The following SGCZ variants were observed in gnomAD, a reference collection of about 807,000 sequenced individuals.
SGCZ encodes the protein sarcoglycan zeta.
A neutral mutation model predicts 41.3 loss-of-function variants in SGCZ; 40 were observed. That is an observed-to-expected ratio of 0.97 (90% CI 0.75 to 1.26). The LOEUF (loss-of-function observed/expected upper bound fraction) is 1.26, where lower values mean the gene tolerates loss of function less well. Among genes scored for constraint, SGCZ ranks in the 50% most tolerant of loss-of-function variants. The pLI is 0.00. For synonymous variants in SGCZ, 206 were observed against 137.5 expected (o/e 1.50, Z -3.49); for missense variants, 552 against 369.8 (o/e 1.49, Z -4.04).
At chr8:14,753,343 A>T (rs1276828816) in intron 1 of SGCZ, among the ~76,000 whole-genome samples, 1 of 152,212 alleles carries the variant, frequency 6.6e-6, no homozygotes, top group Admixed American at 6.5e-5. Context: ...TAACATATTT[A>T]TCTAAGGATG....
intron 1 of SGCZ, among the ~76,000 whole-genome samples, chr8:14,650,829 T>C (rs931585013): frequency 1.3e-5 from 2 of 152,058 alleles, no homozygotes; most frequent in Non-Finnish European, 2.9e-5. Context: ...CAAATGTTTA[T>C]GTGGTAAAAT....
chr8:14,558,611 A>AGAGAGAGAGAGAGAGG (rs1465597797), intron 1 of SGCZ, among the ~76,000 whole-genome samples: 1 of 137,252 alleles, frequency 7.3e-6, no homozygotes, highest in Admixed American at 7.1e-5. Flanking sequence ...AGAGAGAGAG[A>AGAGAGAGAGAGAGAGG]GAATCTTCCA....
intron 1 of SGCZ, among the ~76,000 whole-genome samples, chr8:14,850,454 G>T (rs973430214): frequency 1.3e-5 from 2 of 152,130 alleles, no homozygotes; most frequent in East Asian, 1.9e-4. Context: ...TTGGCGAGAT[G>T]GTGGAGCACA....
At chr8:15,110,262 T>C (rs970542890) in intron 1 of SGCZ, among the ~76,000 whole-genome samples, 4 of 152,256 alleles carry the variant, frequency 2.6e-5, no homozygotes, top group African/African-American at 4.8e-5. Context: ...AACTCCACCA[T>C]TGCATCAAAA....
At chr8:15,018,577 G>A (rs1439720435) in intron 1 of SGCZ, among the ~76,000 whole-genome samples, 3 of 152,120 alleles carry the variant, frequency 2.0e-5, no homozygotes, top group Admixed American at 2.0e-4. Context: ...CCCAACTCAA[G>A]AACAGTTTGA....
At chr8:14,163,717 A>T (rs2116982549) in intron 5 of SGCZ, among the ~76,000 whole-genome samples, 1 of 152,282 alleles carries the variant, frequency 6.6e-6, no homozygotes, top group Non-Finnish European at 1.5e-5. Context: ...ACCCAAGAAC[A>T]GAGTTGATGT....
intron 1 of SGCZ, among the ~76,000 whole-genome samples, chr8:14,906,764 A>G (rs17573512): frequency 0.041 from 6,268 of 152,290 alleles, 181 homozygotes; most frequent in South Asian, 0.076. Flanking sequence ...CAACAATGAG[A>G]TGCTTACAGT....
intron 1 of SGCZ, among the ~76,000 whole-genome samples, chr8:14,962,904 A>G (rs1294216267): frequency 6.6e-6 from 1 of 152,192 alleles, no homozygotes; most frequent in Non-Finnish European, 1.5e-5. Flanking sequence ...AAAACAAAAA[A>G]TCCATATTAA....
chr8:14,625,854 G>C (rs762207572), intron 1 of SGCZ, among the ~76,000 whole-genome samples: 1 of 152,120 alleles, frequency 6.6e-6, no homozygotes, highest in Non-Finnish European at 1.5e-5. Context: ...GACATTAAAA[G>C]CAGCAGAATT....
intron 1 of SGCZ, among the ~76,000 whole-genome samples, chr8:14,594,413 T>C (rs1315738826): frequency 3.3e-5 from 5 of 151,948 alleles, no homozygotes; most frequent in African/African-American, 1.2e-4. Flanking sequence ...ATATAATATT[T>C]CTGTCACTTT....
At position 14,110,555 on chromosome 8, in the gene SGCZ, C is replaced by T. The variant is rs117597331; in HGVS notation, c.548-2320G>A. ...AAGAAATAAATATGTAATCATACCACGTAAAGGGCGAAATTTTAAACTAAA... is the reference window on the plus strand; with the variant it reads ...AAGAAATAAATATGTAATCATACCATGTAAAGGGCGAAATTTTAAACTAAA... On this transcript the variant is annotated intron_variant, in intron 5 of 7. Transcript: ENST00000382080. Among the ~76,000 whole-genome samples the T allele has an allele frequency of 1.4e-3, 214 of 152,128 alleles. 1 individual carries two copies. The highest frequency in any genetic ancestry group is 2.4e-3 in the Non-Finnish European group (165 of 68,002).
chr8:14,655,387 A>T (rs1170552208), intron 1 of SGCZ, among the ~76,000 whole-genome samples: 1 of 152,120 alleles, frequency 6.6e-6, no homozygotes, highest in Non-Finnish European at 1.5e-5. Flanking sequence ...GTAATCATTT[A>T]TTTGTATAAC....
At chr8:14,967,053 A>C (rs565893454) in intron 1 of SGCZ, among the ~76,000 whole-genome samples, 5 of 152,304 alleles carry the variant, frequency 3.3e-5, no homozygotes, top group South Asian at 4.1e-4. Context: ...CCAGAAATAC[A>C]AAGATTAAGT....
intron 1 of SGCZ, among the ~76,000 whole-genome samples, chr8:14,639,994 T>C (rs187047282): frequency 4.0e-4 from 60 of 151,814 alleles, no homozygotes; most frequent in African/African-American, 1.3e-3. Context: ...ATACTTGTCA[T>C]CAATCACATT....
intron 1 of SGCZ, among the ~76,000 whole-genome samples, chr8:14,854,717 T>C (rs779940822): frequency 1.3e-5 from 2 of 152,156 alleles, no homozygotes; most frequent in Non-Finnish European, 1.5e-5. Flanking sequence ...TTTGTTGGAT[T>C]ATTTCAGGAA....
At chr8:14,820,664 AAACTAGAAGTC>A (rs1802048585) in intron 1 of SGCZ, among the ~76,000 whole-genome samples, 1 of 152,050 alleles carries the variant, frequency 6.6e-6, no homozygotes, top group Non-Finnish European at 1.5e-5. Context: ...CCATGGTGTA[AAACTAGAAGTC>A]AACAAGAAAA....
intron 1 of SGCZ, among the ~76,000 whole-genome samples, chr8:15,005,551 G>C (rs1042025882): frequency 5.5e-5 from 7 of 127,742 alleles, no homozygotes; most frequent in Admixed American, 3.9e-4. Context: ...GGCTGGTCTC[G>C]AACTCCTGAC....
At chr8:15,215,803 T>C (rs935296986) in intron 1 of SGCZ, among the ~76,000 whole-genome samples, 8 of 152,212 alleles carry the variant, frequency 5.3e-5, no homozygotes, top group Non-Finnish European at 8.8e-5. Flanking sequence ...TCATTGATAA[T>C]AGACTGACAA....
chr8:14,451,677 G>A (rs73519303), intron 2 of SGCZ, among the ~76,000 whole-genome samples: 133 of 152,250 alleles, frequency 8.7e-4, no homozygotes, highest in African/African-American at 2.9e-3. Flanking sequence ...TTAAAAATGG[G>A]CAAAAGGTCT....
Sources: allele counts gnomAD v4.1 joint callset (sites outside exome capture counted in the v4.1 genomes callset), GRCh38; gene constraint gnomAD v4.1.1; transcripts MANE v1.5; gene names NCBI Gene and HGNC (gene_info 2026-07-23, HGNC 2026-07-21).